SIPA1L2: variants seen among roughly 807,000 people sequenced by gnomAD.
SIPA1L2 encodes the protein signal-induced proliferation-associated 1-like protein 2.
SIPA1L2 carries 56 observed loss-of-function variants against 163.9 expected under a neutral mutation model. That is an observed-to-expected ratio of 0.34 (90% confidence interval 0.28 to 0.43). The LOEUF (loss-of-function observed/expected upper bound fraction) is 0.43. SIPA1L2 is among the 20% of genes least tolerant of loss of function. The pLI is 1.00. For missense variants in SIPA1L2, 1,974 were observed against 2,193.5 expected, an observed-to-expected ratio of 0.90 and a Z score of 2.00; for synonymous variants, 877 against 865.7, an observed-to-expected ratio of 1.01 and a Z score of -0.23.
chr1:232,403,113 T>C (rs1030252477), intron 21 of SIPA1L2, among the ~76,000 whole-genome samples: 2 of 152,228 alleles, frequency 1.3e-5, no homozygotes, highest in Admixed American at 6.5e-5. Flanking sequence ...TATCCCTGCA[T>C]GGTGCTGTTG....
At chr1:232,408,302 A>T (rs1190052608) in intron 19 of SIPA1L2, among the ~76,000 whole-genome samples, 14 of 128,482 alleles carry the variant, frequency 1.1e-4, no homozygotes, top group South Asian at 7.5e-4. Flanking sequence ...TTTTTTTTTT[A>T]AACTGTTTGG....
At chr1:232,435,705 C>G (rs1284996173) in intron 15 of SIPA1L2, among the ~76,000 whole-genome samples, 1 of 152,114 alleles carries the variant, frequency 6.6e-6, no homozygotes, top group East Asian at 1.9e-4. Context: ...GTATTCTGAG[C>G]TCCTATCTAA....
intron 5 of SIPA1L2, among the ~76,000 whole-genome samples, chr1:232,488,273 A>G (rs1404204953): frequency 6.6e-6 from 1 of 152,146 alleles, no homozygotes; most frequent in African/African-American, 2.4e-5. Flanking sequence ...TTGTATTTTA[A>G]ATATAATTTC....
chr1:232,494,772 A>G (rs1380189796), intron 3 of SIPA1L2, among the ~76,000 whole-genome samples: 1 of 152,224 alleles, frequency 6.6e-6, no homozygotes, highest in African/African-American at 2.4e-5. Context: ...TTAAAAATTT[A>G]TCTATTTTTA....
At chr1:232,457,032 G>A (rs202034131) in intron 10 of SIPA1L2, among the ~76,000 whole-genome samples, 2 of 152,132 alleles carry the variant, frequency 1.3e-5, no homozygotes, top group Non-Finnish European at 2.9e-5. Flanking sequence ...TTCACGCTGA[G>A]GGACAAGCTA....
At chr1:232,439,612 C>T (rs1471193989) in intron 14 of SIPA1L2, 116 bp from the exon 15 acceptor site, 1 of 1,215,564 alleles carries the variant, frequency 8.2e-7, no homozygotes, top group Admixed American at 2.3e-5. Flanking sequence ...TCTACTCACT[C>T]TTCAATGTGG....
chr1:232,498,007 T>G (rs1348836341), intron 3 of SIPA1L2, among the ~76,000 whole-genome samples: 1 of 152,150 alleles, frequency 6.6e-6, no homozygotes, highest in Non-Finnish European at 1.5e-5. Flanking sequence ...TCCACTTTTC[T>G]TCACTTGACA....
chr1:232,591,587 T>C (rs1452761862), intron 1 of SIPA1L2, among the ~76,000 whole-genome samples: 1 of 152,268 alleles, frequency 6.6e-6, no homozygotes, highest in Non-Finnish European at 1.5e-5. Context: ...TTTTGTTGTG[T>C]GTTGCCTTTA....
intron 3 of SIPA1L2, among the ~76,000 whole-genome samples, chr1:232,497,566 G>T (rs10495328): frequency 0.24 from 36,526 of 152,028 alleles, 4,553 homozygotes; most frequent in Admixed American, 0.34. Context: ...TCCACTCAAG[G>T]TCTTGTTGCC....
At chr1:232,564,586 G>A (rs1405385813) in intron 2 of SIPA1L2, among the ~76,000 whole-genome samples, 2 of 151,966 alleles carry the variant, frequency 1.3e-5, no homozygotes, top group Non-Finnish European at 2.9e-5. Flanking sequence ...ACCATCAGAT[G>A]AGATCATAAG....
rs1662140848 is a variant in SIPA1L2 at position 232,609,697 on chromosome 1, G to GT, written c.-319+20171dup. On this transcript the variant is annotated intron_variant, in intron 1 of 22. Coordinates refer to ENST00000674635, the MANE Select transcript of SIPA1L2 (RefSeq NM_020808.5). ...TACAAAAAATTAGCTGGGTGTGGTGGTGGGTGCCTGTAATCCCAGCTACCT... is the reference window on the plus strand; with the variant it reads ...TACAAAAAATTAGCTGGGTGTGGTGGTTGGGTGCCTGTAATCCCAGCTACCT... Among the ~76,000 whole-genome samples the GT allele has an allele frequency of 3.9e-5, 6 of 152,112 alleles. No individual in the cohort carries two copies. The South Asian group carries it at 1.0e-3, about 26-fold the overall frequency.
chr1:232,495,560 G>T (rs1166166963), intron 3 of SIPA1L2, among the ~76,000 whole-genome samples: 1 of 121,624 alleles, frequency 8.2e-6, no homozygotes, highest in Non-Finnish European at 1.7e-5. Context: ...GCAAGACTCC[G>T]TCTCAAAAAA....
intron 2 of SIPA1L2, among the ~76,000 whole-genome samples, 123 bp downstream of exon 2, chr1:232,574,051 C>A (rs73097630): frequency 0.015 from 2,330 of 152,064 alleles, 62 homozygotes; most frequent in African/African-American, 0.053. Flanking sequence ...AAAATAAAAA[C>A]ATACACTCTA....
rs768206432 is a variant in SIPA1L2, at chr1:232,479,625, A to T, written c.2085+2T>A. 1 of 1,612,444 alleles carries T rather than the reference A, an allele frequency of 6.2e-7. No individual in the cohort carries two copies. The highest frequency in any genetic ancestry group is 1.1e-5 in the South Asian group (1 of 91,056). ...AAAAGCTCCAGGCTGGGGAGGACAT[A>T]CCTGTTGTCTGTTGTTGGGCATGTA... On this transcript the variant is annotated splice_donor_variant, in intron 7 of 22. Transcript: ENST00000674635. LOFTEE classifies it high-confidence loss of function.
At chr1:232,569,069 A>G (rs1659570025) in intron 2 of SIPA1L2, among the ~76,000 whole-genome samples, 1 of 152,222 alleles carries the variant, frequency 6.6e-6, no homozygotes, top group Admixed American at 6.5e-5. Context: ...TTACTGTATG[A>G]AATCACTCTT....
intron 1 of SIPA1L2, among the ~76,000 whole-genome samples, chr1:232,620,276 G>A (rs1232691033): frequency 6.6e-6 from 1 of 152,180 alleles, no homozygotes; most frequent in African/African-American, 2.4e-5. Flanking sequence ...AATGCTTGCA[G>A]GGATGACAAG....
At chr1:232,423,351 T>C (rs1411221165) in intron 18 of SIPA1L2, among the ~76,000 whole-genome samples, 1 of 152,180 alleles carries the variant, frequency 6.6e-6, no homozygotes, top group Non-Finnish European at 1.5e-5. Context: ...ATTGTGGTAG[T>C]CAGAAGGCCA....
chr1:232,514,468 A>C lies in SIPA1L2; in HGVS notation c.872T>G (p.Leu291Arg). 1 of 1,614,234 alleles carries C rather than the reference A, an allele frequency of 6.2e-7. No homozygotes were observed. The highest frequency in any genetic ancestry group is 8.5e-7 in the Non-Finnish European group (1 of 1,180,044). The change falls in exon 3 of 23, where the codon CTC becomes CGC. Residue 291 changes from leucine to arginine, a missense_variant. By Grantham distance (102) the Leu-to-Arg change is moderately radical. This residue lies in a region of SIPA1L2 where 607 missense variants were observed against 624.0 expected (regional missense o/e 0.97). Transcript: ENST00000674635. ...RLKSESVETSLFRKLRTVKSE... is the reference protein window; with the variant it reads ...RLKSESVETSRFRKLRTVKSE... ...TTTAACAGTTCGAAGCTTTCGGAAG[A>C]GAGATGTTTCCACCGACTCTGATTT...
chr1:232,515,201 G>C lies in SIPA1L2; in HGVS notation c.139C>G (p.Pro47Ala). The C allele has an allele frequency of 1.2e-6, 2 of 1,614,198 alleles. No homozygotes were observed. The highest frequency in any genetic ancestry group is 1.3e-5 in the African/African-American group (1 of 75,058). ...KFKAINGNMG[P>A]TTSLNASNSN... ...TTCGAGGCATTTAAAGAAGTAGTGG[G>C]TCCCATGTTGCCATTAATGGCTTTA... is the stretch of plus-strand genomic sequence containing the variant. Residue 47 changes from proline (P) to alanine (A), a missense_variant, in exon 3 of 23, where the codon CCC becomes GCC. Coordinates refer to ENST00000674635, the MANE Select transcript of SIPA1L2 (RefSeq NM_020808.5).
Sources: gnomAD v4.1 joint callset for allele counts (sites outside exome capture counted in the v4.1 genomes callset) on GRCh38, gnomAD v4.1.1 for gene constraint, gnomAD v4.1.1 regional missense constraint, MANE v1.5 for transcripts, NCBI Gene and HGNC (gene_info 2026-07-23, HGNC 2026-07-21) for gene names.